SLC19A2: variants seen among roughly 807,000 people sequenced by gnomAD.
SLC19A2 encodes the protein solute carrier family 19 member 2, also known as thiamine transporter 1.
In SLC19A2, 27 loss-of-function variants were observed where a neutral mutation model predicts 44.7. That is an observed-to-expected ratio of 0.60 (90% CI 0.45 to 0.83). The LOEUF is 0.83. Among genes scored for constraint, SLC19A2 ranks in the 40% least tolerant of loss-of-function variants. The pLI is 0.00. For missense variants in SLC19A2, 566 were observed against 613.7 expected, an observed-to-expected ratio of 0.92 and a Z score of 0.82; for synonymous variants, 239 against 243.6, an observed-to-expected ratio of 0.98 and a Z score of 0.18.
chr1:169,485,172 A>G (rs1336727836), intron 1 of SLC19A2, among the ~76,000 whole-genome samples: 1 of 152,214 alleles, frequency 6.6e-6, no homozygotes, highest in African/African-American at 2.4e-5. Flanking sequence ...CTTTCAGTCA[A>G]TGAATATTTA....
In SLC19A2 at chr1:169,468,702, A is replaced by C; in HGVS notation, c.1165T>G (p.Cys389Gly). ...IMDTVGNIWV[C>G]YASYVVFRII... ...CTGAAGACAACATAGGATGCATAGC[A>C]CACCCAAATGTTACCCACAGTGTCC... Residue 389 changes from cysteine to glycine, a missense_variant, in exon 4 of 6, where the codon TGC becomes GGC. Coordinates refer to ENST00000236137, the MANE Select transcript of SLC19A2 (RefSeq NM_006996.3). 1.2e-6 allele frequency: 2 copies of C among 1,613,878 alleles called. No homozygotes were observed. Among genetic ancestry groups the C allele is most frequent in the Non-Finnish European group, 1.7e-6 (2 of 1,179,830 alleles).
Position 169,468,233 on chromosome 1 carries a change from G to C in SLC19A2, c.1243C>G (p.Leu415Val). 1 of 1,613,312 alleles carries C rather than the reference G, an allele frequency of 6.2e-7. No homozygotes were observed. The highest frequency in any genetic ancestry group is 8.5e-7 in the Non-Finnish European group (1 of 1,179,662). ...ACTAGGGCATAGCGTTCCATGCTGA[G>C]GTTTGCAGCAATTTGAAAACTTAAA... The part of the protein sequence containing the change: ...TIATFQIAAN[L>V]SMERYALVFG... The change falls in exon 5 of 6, where the codon CTC (leucine) becomes GTC (valine). Residue 415 changes from leucine to valine, a missense_variant. Coordinates refer to ENST00000236137, the MANE Select transcript of SLC19A2 (RefSeq NM_006996.3).
intron 1 of SLC19A2, among the ~76,000 whole-genome samples, chr1:169,481,924 C>T (rs1221379595): frequency 6.6e-6 from 1 of 152,168 alleles, no homozygotes; most frequent in Non-Finnish European, 1.5e-5. Context: ...AATGGCCAGG[C>T]GCAGTGGCTC....
chr1:169,480,651 C>T (rs1353276422), intron 1 of SLC19A2, among the ~76,000 whole-genome samples: 1 of 152,128 alleles, frequency 6.6e-6, no homozygotes, highest in Non-Finnish European at 1.5e-5. Flanking sequence ...TAAGTGTCAC[C>T]TTCACAATTT....
rs202220171 is a variant in SLC19A2, at chr1:169,485,637, C to A, written c.130G>T (p.Ala44Ser). The change falls in exon 1 of 6, where the codon GCC becomes TCC. Residue 44 changes from alanine (A) to serine (S), a missense_variant. Transcript: ENST00000236137. ...AAGGGCTCGGACGGCCTGAGGCTGGCGAAGAAGCCGTAGGCGCAGAGCAGC... is the reference window on the plus strand; with the variant it reads ...AAGGGCTCGGACGGCCTGAGGCTGGAGAAGAAGCCGTAGGCGCAGAGCAGC... The part of the protein sequence containing the change: ...TALLCAYGFF[A>S]SLRPSEPFLT... 1.9e-6 allele frequency: 3 copies of A among 1,560,050 alleles called. No homozygotes were observed. Among genetic ancestry groups the A allele is most frequent in the South Asian group, 2.4e-5 (2 of 84,854 alleles).
chr1:169,469,056 C>A, intron 3 of SLC19A2: 1 of 541,256 alleles, frequency 1.8e-6, no homozygotes, highest in Non-Finnish European at 3.3e-6. Context: ...GGAGAGGTGG[C>A]AATGAGATGA....
At chr1:169,466,730 G>T (rs1316596774) in intron 5 of SLC19A2, among the ~76,000 whole-genome samples, 1 of 150,146 alleles carries the variant, frequency 6.7e-6, no homozygotes, top group Non-Finnish European at 1.5e-5. Context: ...TCCCCTCCCT[G>T]TGTCCATGTG....
Position 169,463,941 on chromosome 1 carries a change from T to C in SLC19A2, c.*1908A>G, listed in dbSNP as rs1160067049. The C allele has an allele frequency of 6.6e-6, 1 of 151,642 alleles. No individual in the cohort carries two copies. 9.4% of individuals were successfully genotyped at this position (151,642 alleles called of 1,614,324 possible). A position where few individuals can be genotyped will look rare whatever the true frequency, so the allele number is the denominator to read the frequency against. On this transcript the variant is annotated 3_prime_UTR_variant, in exon 6 of 6. Coordinates refer to ENST00000236137, the MANE Select transcript of SLC19A2 (RefSeq NM_006996.3). ...TAAAAAGAGAAAATATACTGTAAAATATTTATTTAATAAAAATAATTTTAT... is the reference window on the plus strand; with the variant it reads ...TAAAAAGAGAAAATATACTGTAAAACATTTATTTAATAAAAATAATTTTAT...
intron 4 of SLC19A2, 149 bp downstream of exon 4, chr1:169,468,495 G>A (rs534690065): frequency 1.4e-6 from 1 of 719,716 alleles, no homozygotes; most frequent in East Asian, 2.7e-5. Flanking sequence ...TGCTTCCTCA[G>A]GAGAAAAACT....
At chr1:169,483,053 GTCAAAT>G (rs1213697536) in intron 1 of SLC19A2, among the ~76,000 whole-genome samples, 1 of 152,204 alleles carries the variant, frequency 6.6e-6, no homozygotes, top group Non-Finnish European at 1.5e-5. Context: ...TTAACATACA[GTCAAAT>G]TTTAGCCTGC....
chr1:169,482,379 A>C (rs1162493288), intron 1 of SLC19A2, among the ~76,000 whole-genome samples: 1 of 152,132 alleles, frequency 6.6e-6, no homozygotes, highest in Non-Finnish European at 1.5e-5. Flanking sequence ...GACTCTACTA[A>C]AAATATAAAA....
chr1:169,475,714 A>G (rs1383708691), intron 2 of SLC19A2, among the ~76,000 whole-genome samples: 1 of 152,192 alleles, frequency 6.6e-6, no homozygotes, highest in Non-Finnish European at 1.5e-5. Context: ...ATCCTTGGTC[A>G]TTCTGACAAA....
chr1:169,464,192 A>T lies in SLC19A2; in HGVS notation c.*1657T>A, dbSNP rs1235565289. ...TTTGGTAACATGAACAATTTGTACC[A>T]CATTCCATTAAAAAAAGATTTAATA... is the stretch of plus-strand genomic sequence containing the variant. On this transcript the variant is annotated 3_prime_UTR_variant, in exon 6 of 6. Transcript: ENST00000236137. The T allele has an allele frequency of 6.6e-6, 1 of 152,636 alleles. No homozygotes were observed. Among genetic ancestry groups the T allele is most frequent in the African/African-American group, 2.4e-5 (1 of 41,470 alleles). The allele number at this position is 152,636 out of a possible 1,614,324, so 9.5% of individuals were successfully genotyped here. A position where few individuals can be genotyped will look rare whatever the true frequency, so the allele number is the denominator to read the frequency against.
chr1:169,485,466 G>C (rs1054756181), intron 1 of SLC19A2, 97 bp downstream of exon 1: 2 of 1,343,012 alleles, frequency 1.5e-6, no homozygotes, highest in Admixed American at 4.0e-5. Flanking sequence ...TCTCTGCCGA[G>C]AATGGCTCGA....
intron 5 of SLC19A2, among the ~76,000 whole-genome samples, chr1:169,466,929 A>T (rs372227208): frequency 7.2e-5 from 11 of 152,304 alleles, no homozygotes; most frequent in African/African-American, 2.6e-4. Context: ...CAAAAGTACA[A>T]TGAGAGTATG....
intron 1 of SLC19A2, among the ~76,000 whole-genome samples, chr1:169,481,319 A>G (rs1316359577): frequency 6.6e-6 from 1 of 152,268 alleles, no homozygotes; most frequent in Admixed American, 6.5e-5. Context: ...GATTGGCAGA[A>G]GAAGGATCTG....
chr1:169,485,572 G>C lies in SLC19A2; in HGVS notation c.195C>G (p.Thr65=), dbSNP rs775314144. The part of the protein sequence containing the change: ...PYLLGPDKNL[T]EREVFNEIYP... ...CGTCCGCCGCGCGTACCTCCCTCTC[G>C]GTCAGGTTCTTGTCCGGCCCCAGCA... is the stretch of plus-strand genomic sequence containing the variant. Residue 65 remains threonine (T), a synonymous_variant, in exon 1 of 6, where the codon ACC becomes ACG. Transcript: ENST00000236137. The C allele has an allele frequency of 3.5e-5, 56 of 1,585,912 alleles. 3 individuals carry two copies. The South Asian group carries it at 6.0e-4, about 17-fold the overall frequency.
chr1:169,485,724 C>T lies in SLC19A2; in HGVS notation c.43G>A (p.Ala15Thr), dbSNP rs1321842147. 2.6e-6 allele frequency: 4 copies of T among 1,534,538 alleles called. No homozygotes were observed. Among genetic ancestry groups the T allele is most frequent in the African/African-American group, 1.4e-5 (1 of 72,734 alleles). Reference sequence around the variant, plus strand: ...GCGGTCCGCAGGAGCACAGTGGCCGCCGCCGCCGCCGCCCGCCGAGACACC... The same window carrying T: ...GCGGTCCGCAGGAGCACAGTGGCCGTCGCCGCCGCCGCCCGCCGAGACACC... ...GPVSRRAAAAAATVLLRTARV... is the reference protein window; with the variant it reads ...GPVSRRAAAATATVLLRTARV... Residue 15 changes from alanine (A) to threonine (T), a missense_variant, in exon 1 of 6, where the codon GCG becomes ACG. Ala to Thr is a moderately conservative substitution (Grantham distance 58). Coordinates refer to ENST00000236137, the MANE Select transcript of SLC19A2 (RefSeq NM_006996.3).
In SLC19A2 at chr1:169,468,698, TA is replaced by T. The variant is rs772048171; in HGVS notation, c.1168del (p.Tyr390MetfsTer17). 3 of 1,613,858 alleles carry T rather than the reference TA, an allele frequency of 1.9e-6. No homozygotes were observed. The part of the protein sequence containing the change: ...MDTVGNIWVC[Y>X]ASYVVFRIIY... ...GATTCTGAAGACAACATAGGATGCA[TA>T]GCACACCCAAATGTTACCCACAGTG... On this transcript the variant is annotated frameshift_variant, in exon 4 of 6. Coordinates refer to ENST00000236137, the MANE Select transcript of SLC19A2 (RefSeq NM_006996.3). LOFTEE classifies it high-confidence loss of function.
Sources: allele counts gnomAD v4.1 joint callset (sites outside exome capture counted in the v4.1 genomes callset), GRCh38; gene constraint gnomAD v4.1.1; transcripts MANE v1.5; gene names NCBI Gene and HGNC (gene_info 2026-07-23, HGNC 2026-07-21).